Variants in C3orf22 observed in about 807,000 individuals in gnomAD.
The protein encoded by C3orf22 is uncharacterized protein C3orf22.
C3orf22 carries 7 observed loss-of-function variants against 10.8 expected under a neutral mutation model. The observed-to-expected ratio is 0.65, with a 90% CI of 0.37 to 1.22. The LOEUF (loss-of-function observed/expected upper bound fraction) is 1.22, where lower values mean the gene tolerates loss of function less well. C3orf22 is among the 50% of genes most tolerant of loss of function. C3orf22 has a pLI of 0.02. For synonymous variants in C3orf22, 79 were observed against 78.9 expected, an observed-to-expected ratio of 1.00 and a Z score of 0.00; for missense variants, 173 against 177.0, an observed-to-expected ratio of 0.98 and a Z score of 0.13.
At chr3:126,535,007 G>A (rs1936740887) in intron 4 of C3orf22, among the ~76,000 whole-genome samples, 1 of 147,156 alleles carries the variant, frequency 6.8e-6, no homozygotes, top group Non-Finnish European at 1.5e-5. Context: ...CAGACAGACA[G>A]CATCCCTGTC....
intron 3 of C3orf22, 74 bp from the exon 4 acceptor site, chr3:126,550,152 T>A (rs1356700516): frequency 1.9e-6 from 3 of 1,543,538 alleles, no homozygotes; most frequent in Non-Finnish European, 2.6e-6. Flanking sequence ...CCCAGAGAAG[T>A]CAGCCAGGGC....
At chr3:126,535,557 GAGAC>G (rs112509881) in intron 4 of C3orf22, among the ~76,000 whole-genome samples, 25 of 27,578 alleles carry the variant, frequency 9.1e-4, no homozygotes, top group East Asian at 2.1e-3. Flanking sequence ...CCTCAGCCGG[GAGAC>G]AGACAGACAG....
chr3:126,547,505 A>G (rs1468544322), downstream of C3orf22, among the ~76,000 whole-genome samples: 8 of 152,310 alleles, frequency 5.3e-5, no homozygotes, highest in East Asian at 1.2e-3. Flanking sequence ...CAGACCATGT[A>G]TGTTTTTATA....
At chr3:126,529,932 G>A (rs1196327254) in intron 4 of C3orf22, among the ~76,000 whole-genome samples, 1 of 152,258 alleles carries the variant, frequency 6.6e-6, no homozygotes, top group Non-Finnish European at 1.5e-5. Flanking sequence ...CCCCTTGGCA[G>A]GGGGTGGCAG....
intron 2 of C3orf22, 86 bp from the exon 3 acceptor site, chr3:126,552,208 T>TA: frequency 6.3e-7 from 1 of 1,593,116 alleles, no homozygotes; most frequent in Non-Finnish European, 8.5e-7. Context: ...TTCCATCTGC[T>TA]AGGCACTGTT....
intron 4 of C3orf22, among the ~76,000 whole-genome samples, chr3:126,530,605 C>T (rs1936637373): frequency 1.3e-5 from 2 of 152,260 alleles, no homozygotes; most frequent in African/African-American, 4.8e-5. Flanking sequence ...CCTGGCCCTG[C>T]CCTGCCTGGT....
chr3:126,551,970 G>T (rs749538582), intron 3 of C3orf22, 27 bp downstream of exon 3: 1 of 1,574,020 alleles, frequency 6.4e-7, no homozygotes, highest in Middle Eastern at 1.7e-4. Flanking sequence ...AGCCAGTGGG[G>T]GTGGTGGCAT....
exon 6 of C3orf22, chr3:126,527,374 A>T (rs1936556732): frequency 6.6e-6 from 1 of 152,236 alleles, no homozygotes; most frequent in Non-Finnish European, 1.5e-5. Flanking sequence ...ACAGGCATAG[A>T]TCTTGGGGTT....
rs760672796 is a variant in C3orf22 at position 126,542,098 on chromosome 3, G to A, written c.286+7439C>T. 15 of 1,582,604 alleles carry A rather than the reference G, an allele frequency of 9.5e-6. No individual in the cohort carries two copies. The African/African-American group carries it at 1.9e-4, about 20-fold the overall frequency. On this transcript the variant is annotated intron_variant and NMD_transcript_variant, in intron 4 of 5. Transcript: ENST00000505070. ...GGGAGCCCTTCGAGCGCCTGGCATC[G>A]GCTTACCGCAACAAGCTCGCGCGCC...
At chr3:126,556,994 A>G (rs1937360304) in intron 1 of C3orf22, among the ~76,000 whole-genome samples, 1 of 116,098 alleles carries the variant, frequency 8.6e-6, no homozygotes, top group Admixed American at 9.8e-5. Context: ...ATACAGACAC[A>G]TAGACACATA....
At chr3:126,549,299 A>C (rs1351651724), downstream of C3orf22, among the ~76,000 whole-genome samples, 1 of 151,146 alleles carries the variant, frequency 6.6e-6, no homozygotes, top group Non-Finnish European at 1.5e-5. Flanking sequence ...TAGTAAACAC[A>C]AGATGGCAGC....
intron 4 of C3orf22, among the ~76,000 whole-genome samples, chr3:126,537,781 G>A (rs1044859355): frequency 2.0e-5 from 3 of 152,366 alleles, no homozygotes; most frequent in African/African-American, 7.2e-5. Context: ...TGGCCAACAA[G>A]TGCTGATCAC....
At chr3:126,542,774 G>C (rs985752892) in intron 4 of C3orf22, 3 of 686,100 alleles carry the variant, frequency 4.4e-6, no homozygotes, top group Non-Finnish European at 6.3e-6. Flanking sequence ...GCACGCGTGT[G>C]CCTGCCTCGG....
At chr3:126,551,118 T>C (rs1215485275) in intron 3 of C3orf22, among the ~76,000 whole-genome samples, 1 of 151,912 alleles carries the variant, frequency 6.6e-6, no homozygotes, top group Non-Finnish European at 1.5e-5. Flanking sequence ...GTTCTTTGTG[T>C]GTGTGTGTGT....
intron 4 of C3orf22, among the ~76,000 whole-genome samples, chr3:126,533,478 G>A (rs1380638719): frequency 6.6e-6 from 1 of 152,156 alleles, no homozygotes; most frequent in Non-Finnish European, 1.5e-5. Flanking sequence ...ATTTATTGAT[G>A]AGCATGTGGG....
At chr3:126,529,373 C>T (rs987396509) in intron 4 of C3orf22, 1 of 1,289,192 alleles carries the variant, frequency 7.8e-7, no homozygotes, top group Non-Finnish European at 1.0e-6. Flanking sequence ...GCCCACTTGC[C>T]TACGGATGCC....
chr3:126,538,373 C>T (rs1419419090), intron 4 of C3orf22, among the ~76,000 whole-genome samples: 2 of 152,236 alleles, frequency 1.3e-5, no homozygotes, highest in Non-Finnish European at 2.9e-5. Context: ...GTAAGGGTTT[C>T]CCCTGACTTT....
chr3:126,543,930 C>A lies in C3orf22; in HGVS notation c.286+5607G>T, dbSNP rs181197177. ...GAGGCCTCCCCCAGCCTGGGCCCTT[C>A]CCCCACTGGAGGGACATACAAAGCC... On this transcript the variant is annotated intron_variant and NMD_transcript_variant, in intron 4 of 5. Transcript: ENST00000505070. Among the ~76,000 whole-genome samples, 7 of 152,272 alleles carry A rather than the reference C, an allele frequency of 4.6e-5. No homozygotes were observed. In the East Asian group the frequency reaches 1.4e-3, roughly 29 times the overall value.
intron 4 of C3orf22, among the ~76,000 whole-genome samples, chr3:126,534,954 CCCAGCCGGAGACAGACCAGCA>C (rs1936737555): frequency 1.4e-5 from 2 of 146,594 alleles, no homozygotes; most frequent in African/African-American, 2.5e-5. Flanking sequence ...CATCCCTGTC[CCCAGCCGGAGACAGACCAGCA>C]TCCCTGTCCC....
Sources: allele counts gnomAD v4.1 joint callset (sites outside exome capture counted in the v4.1 genomes callset), GRCh38; gene constraint gnomAD v4.1.1; transcripts MANE v1.5; gene names NCBI Gene and HGNC (gene_info 2026-07-23, HGNC 2026-07-21).